The following TRAP1 variants were observed in gnomAD, a reference collection of about 807,000 sequenced individuals.
TRAP1 encodes TNF receptor associated protein 1, also known as heat shock protein 75 kDa, mitochondrial.
A neutral mutation model predicts 89.1 loss-of-function variants in TRAP1; 102 were observed. That is an observed-to-expected ratio of 1.15 (90% CI 0.98 to 1.35). The LOEUF (loss-of-function observed/expected upper bound fraction) is 1.35. TRAP1 is among the 40% of genes most tolerant of loss of function. TRAP1 has a pLI of 0.00. For synonymous variants in TRAP1, 508 were observed against 388.0 expected (o/e 1.31, Z -3.64); for missense variants, 1,256 against 945.3 (o/e 1.33, Z -4.31).
intron 11 of TRAP1, among the ~76,000 whole-genome samples, chr16:3,667,809 A>G (rs2050856742): frequency 1.4e-5 from 2 of 147,444 alleles, no homozygotes; most frequent in African/African-American, 2.5e-5. Context: ...CCCAGGCTGG[A>G]GTGCAGTGGC....
intron 1 of TRAP1, among the ~76,000 whole-genome samples, chr16:3,696,762 TGTCGCCCAGGCTGAA>T (rs900624594): frequency 6.6e-6 from 1 of 151,836 alleles, no homozygotes; most frequent in Non-Finnish European, 1.5e-5. Context: ...GGTCTCACTC[TGTCGCCCAGGCTGAA>T]GTGCAGTAGA....
At position 3,677,522 on chromosome 16, in the gene TRAP1, A is replaced by G. The variant is rs1165991850; in HGVS notation, c.680T>C (p.Leu227Pro). 2 of 1,614,170 alleles carry G rather than the reference A, an allele frequency of 1.2e-6. No individual in the cohort carries two copies. Among genetic ancestry groups the G allele is most frequent in the South Asian group, 1.1e-5 (1 of 91,084 alleles). Residue 227 changes from leucine to proline, a missense_variant, in exon 6 of 18, where the codon CTG becomes CCG. Leu to Pro is a moderately conservative substitution (Grantham distance 98). Coordinates refer to ENST00000246957, the MANE Select transcript of TRAP1 (RefSeq NM_016292.3). ...CCCATCTGAAAGCCACTGGTAACCC[A>G]GGCTCCCCGGGGCTGCCGAGCGGGA... ...VYSRSAAPGS[L>P]GYQWLSDGSG...
chr16:3,661,944 T>A, intron 16 of TRAP1, 43 bp downstream of exon 16: 1 of 1,553,598 alleles, frequency 6.4e-7, no homozygotes, highest in African/African-American at 1.4e-5. Context: ...CACAGGATTC[T>A]GGGGAATCCC....
In TRAP1 at chr16:3,679,881, A is replaced by G. The variant is rs1049432049; in HGVS notation, c.472-91T>C. On this transcript the variant is annotated intron_variant, in intron 4 of 17. Transcript: ENST00000246957. ...AGTCCCAGGGACTCAAGTGGTGTCAATGACATTGGCCAGACAGGGCCCAGC... is the reference window on the plus strand; with the variant it reads ...AGTCCCAGGGACTCAAGTGGTGTCAGTGACATTGGCCAGACAGGGCCCAGC... 4.8e-5 allele frequency: 63 copies of G among 1,307,910 alleles called. No individual in the cohort carries two copies. The South Asian group carries it at 5.1e-4, about 10-fold the overall frequency. 81.0% of individuals were successfully genotyped at this position (1,307,910 alleles called of 1,614,324 possible).
In TRAP1 at chr16:3,662,955, A is replaced by G. The variant is rs374102889; in HGVS notation, c.1721T>C (p.Leu574Pro). 3 of 1,611,038 alleles carry G rather than the reference A, an allele frequency of 1.9e-6. No individual in the cohort carries two copies. Among genetic ancestry groups the G allele is most frequent in the Non-Finnish European group, 2.5e-6 (3 of 1,179,904 alleles). Residue 574 changes from leucine (L) to proline (P), a missense_variant, in exon 15 of 18, where the codon CTA becomes CCA. Physicochemically the swap from Leu to Pro is moderately conservative, Grantham distance 98. Transcript: ENST00000246957. ...FEDRSPAAEC[L>P]SEKETEELMA... is the part of the protein sequence containing the mutation. ...GAGCTCCTCCGTCTCCTTCTCTGAT[A>G]GGCACTCGGCGGCTGCGGAAGAGCA...
At chr16:3,666,245 G>A in intron 11 of TRAP1, 127 bp from the exon 12 acceptor site, 4 of 1,212,580 alleles carry the variant, frequency 3.3e-6, no homozygotes, top group Non-Finnish European at 3.4e-6. Context: ...TACCGTTATT[G>A]GCCAAACTGA....
chr16:3,660,514 G>GCTAT (rs753640065), intron 16 of TRAP1: 7 of 152,154 alleles, frequency 4.6e-5, no homozygotes, highest in Non-Finnish European at 8.8e-5. Flanking sequence ...CACTTCTGCA[G>GCTAT]CTATCTCACA....
chr16:3,663,685 G>C, intron 13 of TRAP1, 123 bp from the exon 14 acceptor site: 2 of 1,280,034 alleles, frequency 1.6e-6, no homozygotes, highest in Non-Finnish European at 2.1e-6. Context: ...CACCGGGGCA[G>C]TTGGGGTTCC....
At chr16:3,678,996 G>C (rs1043459970) in intron 5 of TRAP1, among the ~76,000 whole-genome samples, 15 of 152,158 alleles carry the variant, frequency 9.9e-5, no homozygotes, top group African/African-American at 3.6e-4. Context: ...GGGATGCGGC[G>C]TCTGTGGGTT....
At chr16:3,667,345 G>A (rs1019671285) in intron 11 of TRAP1, among the ~76,000 whole-genome samples, 1 of 152,016 alleles carries the variant, frequency 6.6e-6, no homozygotes, top group Admixed American at 6.6e-5. Flanking sequence ...AATAATCAAC[G>A]GGGCATGGTG....
At position 3,689,304 on chromosome 16, in the gene TRAP1, G is replaced by A. The variant is rs186587945; in HGVS notation, c.248-167C>T. Among the ~76,000 whole-genome samples, 553 of 150,460 alleles carry A rather than the reference G, an allele frequency of 3.7e-3. 4 individuals are homozygous for A. The highest frequency in any genetic ancestry group is 0.013 in the African/African-American group (529 of 40,764). On this transcript the variant is annotated intron_variant, in intron 2 of 17. Coordinates refer to ENST00000246957, the MANE Select transcript of TRAP1 (RefSeq NM_016292.3). ...CTGTCACCCAGGCTGGAGTACAGTG[G>A]CACGATCTCGGCTCACTGCAAGCTC...
chr16:3,713,023 T>C (rs148752707), intron 1 of TRAP1, among the ~76,000 whole-genome samples: 381 of 152,236 alleles, frequency 2.5e-3, no homozygotes, highest in African/African-American at 8.8e-3. Flanking sequence ...TCCTCTGCCG[T>C]CTAAGTGCCA....
At chr16:3,673,019 T>C (rs931972197) in intron 9 of TRAP1, among the ~76,000 whole-genome samples, 199 bp from the exon 10 acceptor site, 7 of 152,050 alleles carry the variant, frequency 4.6e-5, no homozygotes, top group African/African-American at 1.7e-4. Flanking sequence ...AGGCCTTCTC[T>C]GGCAGCTGCC....
At chr16:3,688,509 G>A (rs372226225) in intron 3 of TRAP1, among the ~76,000 whole-genome samples, 4 of 151,968 alleles carry the variant, frequency 2.6e-5, no homozygotes, top group Non-Finnish European at 5.9e-5. Context: ...TGGAGAGAGG[G>A]TCTTACTCTG....
chr16:3,715,412 T>A (rs1370835854), intron 1 of TRAP1, among the ~76,000 whole-genome samples: 2 of 151,720 alleles, frequency 1.3e-5, no homozygotes, highest in Admixed American at 6.6e-5. Flanking sequence ...CACTCCAGCC[T>A]GGGTGACAGA....
intron 1 of TRAP1, among the ~76,000 whole-genome samples, chr16:3,708,027 A>C (rs1303405081): frequency 1.3e-5 from 2 of 152,106 alleles, no homozygotes; most frequent in African/African-American, 2.4e-5. Flanking sequence ...TCTAAAAAAA[A>C]TGTTTTTTAA....
chr16:3,676,143 G>T lies in TRAP1; in HGVS notation c.707C>A (p.Ser236Tyr). Reference protein sequence around the residue: ...SLGYQWLSDGSGVFEIAEASG... With the variant: ...SLGYQWLSDGYGVFEIAEASG... ...AGCTTCGGCGATTTCAAACACTCCA[G>T]AACTAAGGCAGGCAAAGAAAGGAAA... is the stretch of plus-strand genomic sequence containing the variant. The change falls in exon 7 of 18, where the codon TCT (serine) becomes TAT (tyrosine). Residue 236 changes from serine (S) to tyrosine (Y), a missense_variant and splice_region_variant. Coordinates refer to ENST00000246957, the MANE Select transcript of TRAP1 (RefSeq NM_016292.3). 6.2e-7 allele frequency: 1 copy of T among 1,613,376 alleles called. No homozygotes were observed. The highest frequency in any genetic ancestry group is 8.5e-7 in the Non-Finnish European group (1 of 1,179,670).
chr16:3,709,113 C>T (rs2051491082), intron 1 of TRAP1, among the ~76,000 whole-genome samples: 1 of 151,086 alleles, frequency 6.6e-6, no homozygotes, highest in Non-Finnish European at 1.5e-5. Flanking sequence ...CCGTGCCTGG[C>T]CCGACACTGT....
At chr16:3,677,721 C>T (rs1256730611) in intron 5 of TRAP1, 63 bp from the exon 6 acceptor site, 9 of 1,560,314 alleles carry the variant, frequency 5.8e-6, no homozygotes, top group Admixed American at 1.8e-5. Flanking sequence ...CTCCCAACAC[C>T]GTGGCTCTTC....
Sources: allele counts gnomAD v4.1 joint callset (sites outside exome capture counted in the v4.1 genomes callset), GRCh38; gene constraint gnomAD v4.1.1; transcripts MANE v1.5; gene names NCBI Gene and HGNC (gene_info 2026-07-23, HGNC 2026-07-21).